The following DNAJB6 variants were observed in gnomAD, a reference collection of about 807,000 sequenced individuals.
DNAJB6 encodes the protein dnaJ homolog subfamily B member 6.
Under a neutral mutation model 42.7 loss-of-function variants are expected in DNAJB6, and 16 were observed. The observed-to-expected ratio is 0.37, with a 90% CI of 0.25 to 0.57. The LOEUF (loss-of-function observed/expected upper bound fraction) is 0.57. Among genes scored for constraint, DNAJB6 ranks in the 20% least tolerant of loss-of-function variants. DNAJB6 has a pLI of 0.74. For missense variants in DNAJB6, 347 were observed against 416.8 expected (o/e 0.83, Z 1.46); for synonymous variants, 170 against 163.5 (o/e 1.04, Z -0.30).
chr7:157,375,471 A>G (rs550493765), intron 5 of DNAJB6, among the ~76,000 whole-genome samples: 1 of 152,380 alleles, frequency 6.6e-6, no homozygotes, highest in South Asian at 2.1e-4. Context: ...AGACCTGGGA[A>G]GTAGCTAGAA....
rs534456132 is a variant in DNAJB6, at chr7:157,412,069, A to G, written c.898+2068A>G. The G allele has an allele frequency of 9.2e-5, 14 of 152,306 alleles. No individual in the cohort carries two copies. In the South Asian group the frequency reaches 2.7e-3, roughly 29 times the overall value. 9.4% of individuals were successfully genotyped at this position (152,306 alleles called of 1,614,324 possible). On this transcript the variant is annotated intron_variant, in intron 9 of 9. Transcript: ENST00000262177. Reference sequence around the variant, plus strand: ...GCTTCATGAGATCTTGAAGATACCAAAGTAACCATCAAAGATTTAAAGACG... The same window carrying G: ...GCTTCATGAGATCTTGAAGATACCAGAGTAACCATCAAAGATTTAAAGACG...
intron 8 of DNAJB6, among the ~76,000 whole-genome samples, chr7:157,386,535 A>T (rs1176739366): frequency 6.6e-6 from 1 of 152,178 alleles, no homozygotes; most frequent in Non-Finnish European, 1.5e-5. Flanking sequence ...CAGGAGAGGG[A>T]AGAAACCATT....
intron 1 of DNAJB6, among the ~76,000 whole-genome samples, chr7:157,349,053 A>AT (rs1798837976): frequency 6.6e-6 from 1 of 151,272 alleles, no homozygotes; most frequent in Non-Finnish European, 1.5e-5. Context: ...ATTTTTTTTT[A>AT]TTTTTTGTGT....
chr7:157,364,822 C>T (rs1799767621), intron 3 of DNAJB6, among the ~76,000 whole-genome samples: 1 of 152,218 alleles, frequency 6.6e-6, no homozygotes, highest in South Asian at 2.1e-4. Context: ...TTTTAGGCAG[C>T]CTTCAGTGCC....
chr7:157,345,023 C>T (rs541736916), intron 1 of DNAJB6, among the ~76,000 whole-genome samples: 204 of 152,044 alleles, frequency 1.3e-3, no homozygotes, highest in Non-Finnish European at 2.6e-3. Flanking sequence ...GATGAAGTTT[C>T]GCCCTTGTTG....
chr7:157,382,446 T>C, intron 6 of DNAJB6, 69 bp downstream of exon 6: 1 of 1,499,214 alleles, frequency 6.7e-7, no homozygotes, highest in Non-Finnish European at 8.9e-7. Flanking sequence ...CATAATACTC[T>C]TTTAGTTAGA....
intron 5 of DNAJB6, among the ~76,000 whole-genome samples, chr7:157,376,952 T>G (rs1199327112): frequency 1.3e-5 from 2 of 152,176 alleles, no homozygotes; most frequent in African/African-American, 4.8e-5. Context: ...GCAGGGGGGC[T>G]TCCAGACTGT....
chr7:157,352,875 A>T (rs1799067324), intron 1 of DNAJB6, among the ~76,000 whole-genome samples: 2 of 152,178 alleles, frequency 1.3e-5, no homozygotes, highest in African/African-American at 4.8e-5. Context: ...ATAAACACCC[A>T]GTTCCACTTC....
intron 8 of DNAJB6, among the ~76,000 whole-genome samples, chr7:157,399,530 G>A (rs921645273): frequency 2.6e-5 from 4 of 152,336 alleles, no homozygotes; most frequent in African/African-American, 7.2e-5. Context: ...ACAGGTTTGC[G>A]GCCTAGCAGC....
intron 1 of DNAJB6, among the ~76,000 whole-genome samples, chr7:157,343,400 G>C (rs912737729): frequency 3.3e-5 from 5 of 151,924 alleles, no homozygotes; most frequent in Admixed American, 2.0e-4. Flanking sequence ...GGTGATCTGC[G>C]TGCCTCGGCC....
intron 1 of DNAJB6, among the ~76,000 whole-genome samples, chr7:157,339,502 G>A (rs1798232879): frequency 6.6e-6 from 1 of 151,106 alleles, no homozygotes; most frequent in Non-Finnish European, 1.5e-5. Flanking sequence ...GGGTTTCACC[G>A]TGTTAGCCAG....
intron 5 of DNAJB6, chr7:157,369,602 ATAGG>A: frequency 3.2e-6 from 1 of 317,204 alleles, no homozygotes; most frequent in Non-Finnish European, 6.1e-6. Flanking sequence ...TTATTATTAA[ATAGG>A]CCCCTTCTTA....
intron 1 of DNAJB6, among the ~76,000 whole-genome samples, chr7:157,353,483 T>C (rs1261835684): frequency 6.6e-6 from 1 of 152,138 alleles, no homozygotes; most frequent in East Asian, 1.9e-4. Flanking sequence ...TTTCTGCTAA[T>C]GTCCTTTTCC....
At chr7:157,350,160 T>C (rs1001314025) in intron 1 of DNAJB6, among the ~76,000 whole-genome samples, 5 of 152,162 alleles carry the variant, frequency 3.3e-5, no homozygotes, top group African/African-American at 1.2e-4. Context: ...GTGGGTCTTG[T>C]TATCTTTTGT....
intron 5 of DNAJB6, among the ~76,000 whole-genome samples, chr7:157,375,199 G>T (rs970239260): frequency 6.6e-6 from 1 of 152,140 alleles, no homozygotes; most frequent in Non-Finnish European, 1.5e-5. Context: ...TGAGGTGGAA[G>T]GTGTGATGGT....
chr7:157,376,304 T>G (rs1447375399), intron 5 of DNAJB6, among the ~76,000 whole-genome samples: 3 of 152,236 alleles, frequency 2.0e-5, no homozygotes, highest in South Asian at 2.1e-4. Flanking sequence ...TGACTGTTCT[T>G]TAGATAGTCA....
chr7:157,359,104 C>G (rs1799452626), intron 2 of DNAJB6, among the ~76,000 whole-genome samples: 1 of 152,148 alleles, frequency 6.6e-6, no homozygotes, highest in South Asian at 2.1e-4. Flanking sequence ...CAGGGCCTGG[C>G]CATTGTGAGG....
intron 5 of DNAJB6, among the ~76,000 whole-genome samples, chr7:157,376,392 A>C (rs1039830337): frequency 6.6e-6 from 1 of 152,174 alleles, no homozygotes. Flanking sequence ...TGATATTGCA[A>C]AATTTTAAAG....
intron 3 of DNAJB6, among the ~76,000 whole-genome samples, chr7:157,364,632 C>T (rs185029957): frequency 1.3e-5 from 2 of 152,220 alleles, no homozygotes; most frequent in African/African-American, 2.4e-5. Flanking sequence ...TCTTGGTCTT[C>T]GGTCCTTGTT....
Sources: allele counts gnomAD v4.1 joint callset (sites outside exome capture counted in the v4.1 genomes callset), GRCh38; gene constraint gnomAD v4.1.1; transcripts MANE v1.5; gene names NCBI Gene and HGNC (gene_info 2026-07-23, HGNC 2026-07-21).